GALNTL6: variants seen among roughly 807,000 people sequenced by gnomAD.
GALNTL6 encodes the protein polypeptide N-acetylgalactosaminyltransferase like 6.
Under a neutral mutation model 73.7 loss-of-function variants are expected in GALNTL6, and 46 were observed. That is an observed-to-expected ratio of 0.62 (90% confidence interval 0.49 to 0.80). The LOEUF (loss-of-function observed/expected upper bound fraction) is 0.80. GALNTL6 is among the 30% of genes least tolerant of loss of function. GALNTL6 has a pLI of 0.00. For synonymous variants in GALNTL6, 259 were observed against 263.7 expected (o/e 0.98, Z 0.17); for missense variants, 604 against 755.0 (o/e 0.80, Z 2.34).
At chr4:171,915,940 T>C (rs1357366001) in intron 2 of GALNTL6, among the ~76,000 whole-genome samples, 1 of 152,100 alleles carries the variant, frequency 6.6e-6, no homozygotes, top group East Asian at 1.9e-4. Flanking sequence ...AATAAAATAG[T>C]GAATTGTAGG....
Position 172,810,983 on chromosome 4 carries a change from G to GA in GALNTL6, c.739+1446dup, listed in dbSNP as rs561552596. Among the ~76,000 whole-genome samples the GA allele has an allele frequency of 9.5e-4, 142 of 149,638 alleles. No individual in the cohort carries two copies. The South Asian group carries it at 0.024, about 26-fold the overall frequency. On this transcript the variant is annotated intron_variant, in intron 6 of 12. Coordinates refer to ENST00000506823, the MANE Select transcript of GALNTL6 (RefSeq NM_001034845.3). ...GAATCTAACTAAAAAGAAGAAGATA[G>GA]AAAAAAAAAGAGTAAGAGAAACCCA...
At chr4:172,078,083 C>A (rs1217767640) in intron 2 of GALNTL6, among the ~76,000 whole-genome samples, 1 of 152,142 alleles carries the variant, frequency 6.6e-6, no homozygotes, top group South Asian at 2.1e-4. Context: ...GGTTTGAGAA[C>A]CTCCACCTAG....
rs138448149 is a variant in GALNTL6, at chr4:172,336,270, G to GTTTTTTTTTTTTTTTTTTTTTTTTTTCT, written c.387-12249_387-12248insTTTTTTTTTTTTTTTTTTTTTTCTTTTT. ...TGAGAACTCTTCTTGGTATAGTTTT[G>GTTTTTTTTTTTTTTTTTTTTTTTTTTCT]TTTTGTTTTTTTTTTTTTTTGACTG... On this transcript the variant is annotated intron_variant, in intron 4 of 12. Coordinates refer to ENST00000506823, the MANE Select transcript of GALNTL6 (RefSeq NM_001034845.3). 1.8e-5 allele frequency among the ~76,000 whole-genome samples: 2 copies of GTTTTTTTTTTTTTTTTTTTTTTTTTTCT among 108,436 alleles called. 1 individual carries two copies. 71.1% of individuals were successfully genotyped at this position (108,436 alleles called of 152,430 possible).
rs142409888 is a variant in GALNTL6, at chr4:172,533,570, G to T, written c.553+184881G>T. ...GAACTCCTTACTTCATGATCCACCC[G>T]CCTCAGCCTCCAAGTGTGCTGGGAT... On this transcript the variant is annotated intron_variant, in intron 5 of 12. Coordinates refer to ENST00000506823, the MANE Select transcript of GALNTL6 (RefSeq NM_001034845.3). Among the ~76,000 whole-genome samples, 446 of 151,964 alleles carry T rather than the reference G, an allele frequency of 2.9e-3. 4 individuals carry two copies. Among genetic ancestry groups the T allele is most frequent in the African/African-American group, 9.7e-3 (404 of 41,440 alleles).
At chr4:172,218,995 C>A (rs1196815402) in intron 2 of GALNTL6, among the ~76,000 whole-genome samples, 1 of 150,794 alleles carries the variant, frequency 6.6e-6, no homozygotes, top group East Asian at 1.9e-4. Context: ...TTTTTTATTT[C>A]CATTCTATAG....
chr4:172,687,039 C>T (rs893610518), intron 5 of GALNTL6, among the ~76,000 whole-genome samples: 6 of 152,146 alleles, frequency 3.9e-5, no homozygotes, highest in African/African-American at 1.4e-4. Context: ...ATGACCAAAC[C>T]AAGGTCACGA....
chr4:172,434,197 AT>A (rs1056537488), intron 5 of GALNTL6, among the ~76,000 whole-genome samples: 3 of 152,124 alleles, frequency 2.0e-5, no homozygotes, highest in Non-Finnish European at 4.4e-5. Flanking sequence ...TGGGATATAG[AT>A]TCTAGTTTGC....
intron 5 of GALNTL6, among the ~76,000 whole-genome samples, chr4:172,518,084 G>T (rs1000664333): frequency 6.6e-6 from 1 of 151,772 alleles, no homozygotes; most frequent in Non-Finnish European, 1.5e-5. Flanking sequence ...ACTATAAATC[G>T]TGCTTTCTTT....
chr4:172,823,291 C>A lies in GALNTL6; in HGVS notation c.923+9568C>A, dbSNP rs181139842. ...CCAAAGCTTCATTGCTAAAATATCA[C>A]CTTCAGCTCTGCTCTCCTCTTTGCT... On this transcript the variant is annotated intron_variant, in intron 7 of 12. Coordinates refer to ENST00000506823, the MANE Select transcript of GALNTL6 (RefSeq NM_001034845.3). Among the ~76,000 whole-genome samples, 423 of 152,314 alleles carry A rather than the reference C, an allele frequency of 2.8e-3. 3 individuals are homozygous for A. The highest frequency in any genetic ancestry group is 9.5e-3 in the African/African-American group (395 of 41,576).
intron 2 of GALNTL6, among the ~76,000 whole-genome samples, chr4:172,126,956 C>A (rs1484571922): frequency 6.6e-6 from 1 of 152,212 alleles, no homozygotes; most frequent in Non-Finnish European, 1.5e-5. Flanking sequence ...GAAGCCACCA[C>A]ACATTTTCAC....
At chr4:172,847,728 A>G in intron 7 of GALNTL6, among the ~76,000 whole-genome samples, 1 of 152,170 alleles carries the variant, frequency 6.6e-6, no homozygotes, top group East Asian at 1.9e-4. Context: ...AAGAAGATGA[A>G]CATTCATGTA....
At chr4:172,035,696 A>C (rs1741911437) in intron 2 of GALNTL6, among the ~76,000 whole-genome samples, 1 of 152,132 alleles carries the variant, frequency 6.6e-6, no homozygotes, top group Non-Finnish European at 1.5e-5. Flanking sequence ...TTTTCTACAA[A>C]GCGACATGGA....
At position 172,438,501 on chromosome 4, in the gene GALNTL6, ATTC is replaced by A. The variant is rs200310725; in HGVS notation, c.553+89816_553+89818del. Among the ~76,000 whole-genome samples the A allele has an allele frequency of 9.0e-3, 1,362 of 152,060 alleles. 10 individuals carry two copies. The highest frequency in any genetic ancestry group is 0.011 in the Non-Finnish European group (717 of 67,966). ...CCCACTCCCATATTTCCTTGTTTAA[ATTC>A]TTCAATTCATCATTATATATTATTG... On this transcript the variant is annotated intron_variant, in intron 5 of 12. Transcript: ENST00000506823.
intron 5 of GALNTL6, among the ~76,000 whole-genome samples, chr4:172,414,452 C>A (rs1214752968): frequency 1.3e-5 from 2 of 151,984 alleles, no homozygotes; most frequent in East Asian, 3.9e-4. Flanking sequence ...TATTTAGCAT[C>A]CCCAGATGCT....
intron 5 of GALNTL6, among the ~76,000 whole-genome samples, chr4:172,432,977 A>G (rs1289961881): frequency 6.6e-6 from 1 of 152,184 alleles, no homozygotes; most frequent in Non-Finnish European, 1.5e-5. Context: ...AAGACAGTAT[A>G]ATGACAATAG....
At chr4:172,528,360 A>G (rs1735040514) in intron 5 of GALNTL6, among the ~76,000 whole-genome samples, 1 of 89,342 alleles carries the variant, frequency 1.1e-5, no homozygotes, top group East Asian at 3.2e-4. Flanking sequence ...ATATATATAT[A>G]TATATGGTTA....
At chr4:172,209,982 TTTAC>T (rs1243048089) in intron 2 of GALNTL6, among the ~76,000 whole-genome samples, 1 of 152,068 alleles carries the variant, frequency 6.6e-6, no homozygotes, top group Non-Finnish European at 1.5e-5. Flanking sequence ...TTCCCCTTTA[TTTAC>T]TTAACAGTTA....
chr4:171,925,327 A>T (rs925860681), intron 2 of GALNTL6, among the ~76,000 whole-genome samples: 5 of 152,152 alleles, frequency 3.3e-5, no homozygotes, highest in Admixed American at 2.6e-4. Context: ...TTTTGTAAAA[A>T]CTAGAGGCAA....
At chr4:171,938,806 T>C (rs562009212) in intron 2 of GALNTL6, among the ~76,000 whole-genome samples, 22 of 152,154 alleles carry the variant, frequency 1.4e-4, no homozygotes, top group Middle Eastern at 3.4e-3. Context: ...CTAATGAAAG[T>C]AGAGGAAGAA....
Sources: allele counts gnomAD v4.1 joint callset (sites outside exome capture counted in the v4.1 genomes callset), GRCh38; gene constraint gnomAD v4.1.1; transcripts MANE v1.5; gene names NCBI Gene and HGNC (gene_info 2026-07-23, HGNC 2026-07-21).